ARHGEF28: variants seen among roughly 807,000 people sequenced by gnomAD.
The protein encoded by ARHGEF28 is 190 kDa guanine nucleotide exchange factor.
ARHGEF28 carries 152 observed loss-of-function variants against 206.6 expected under a neutral mutation model. That is an observed-to-expected ratio of 0.74 (90% CI 0.64 to 0.84). ARHGEF28 has a LOEUF of 0.84. Among genes scored for constraint, ARHGEF28 ranks in the 40% least tolerant of loss-of-function variants. The probability of loss-of-function intolerance (pLI) is 0.00; values close to 1 mark genes in which losing one functional copy is unlikely to be tolerated. For missense variants in ARHGEF28, 2,028 were observed against 2,073.2 expected (o/e 0.98, Z 0.42); for synonymous variants, 763 against 776.4 (o/e 0.98, Z 0.29).
intron 9 of ARHGEF28, among the ~76,000 whole-genome samples, chr5:73,805,565 C>T (rs1473891034): frequency 6.6e-6 from 1 of 152,174 alleles, no homozygotes; most frequent in East Asian, 1.9e-4. Flanking sequence ...TACCACTCTA[C>T]ATGTATTGCA....
At chr5:73,882,818 C>T (rs1447853106) in intron 23 of ARHGEF28, among the ~76,000 whole-genome samples, 1 of 152,144 alleles carries the variant, frequency 6.6e-6, no homozygotes, top group Non-Finnish European at 1.5e-5. Flanking sequence ...GTCATGTCTT[C>T]CAACCTTCTG....
At chr5:73,904,180 A>G in intron 31 of ARHGEF28, 42 bp from the exon 32 acceptor site, 1 of 1,604,594 alleles carries the variant, frequency 6.2e-7, no homozygotes. Context: ...GCTTTTCAGA[A>G]GTAGAATGGT....
chr5:73,764,592 T>A (rs750013747), intron 4 of ARHGEF28, among the ~76,000 whole-genome samples: 3 of 152,206 alleles, frequency 2.0e-5, no homozygotes, highest in Non-Finnish European at 4.4e-5. Flanking sequence ...GGTTGTAATA[T>A]GAGTGTCTCG....
intron 2 of ARHGEF28, among the ~76,000 whole-genome samples, chr5:73,728,308 G>C (rs1398577802): frequency 2.6e-5 from 4 of 152,188 alleles, no homozygotes; most frequent in Non-Finnish European, 5.9e-5. Context: ...GAAATGGTCA[G>C]GCTAGTGGCT....
chr5:73,807,487 C>CTT (rs577924923), intron 9 of ARHGEF28, among the ~76,000 whole-genome samples: 10 of 142,336 alleles, frequency 7.0e-5, no homozygotes, highest in East Asian at 2.1e-4. Flanking sequence ...CAATGTAATT[C>CTT]TTTTTTTTTT....
intron 15 of ARHGEF28, 67 bp from the exon 16 acceptor site, chr5:73,858,020 G>A (rs1759157133): frequency 1.3e-6 from 2 of 1,539,284 alleles, no homozygotes; most frequent in South Asian, 1.3e-5. Flanking sequence ...CTATAAGAAA[G>A]TTGGCTCACA....
intron 35 of ARHGEF28, among the ~76,000 whole-genome samples, chr5:73,933,934 C>T (rs10608404): frequency 0.17 from 22,603 of 129,664 alleles, 2,046 homozygotes; most frequent in East Asian, 0.46. Context: ...TTTTTTTTTT[C>T]CCCCTCAGTT....
intron 33 of ARHGEF28, among the ~76,000 whole-genome samples, chr5:73,906,384 G>A (rs1042816100): frequency 1.3e-5 from 2 of 152,222 alleles, no homozygotes; most frequent in South Asian, 2.1e-4. Flanking sequence ...GACTATAGGC[G>A]TGTGCCACCA....
Position 73,776,597 on chromosome 5 carries a change from A to AACGCTG in ARHGEF28, c.744_749dup (p.Thr252_Leu253dup). ...CCTTGCATTACATTCACTCATCGGA[A>AACGCTG]ACGCTGACCCTGACCCTGAACCACA... On this transcript the variant is annotated inframe_insertion, in exon 6 of 36. Coordinates refer to ENST00000513042, the MANE Select transcript of ARHGEF28 (RefSeq NM_001177693.2). 6.2e-7 allele frequency: 1 copy of AACGCTG among 1,613,962 alleles called. No individual in the cohort carries two copies. The highest frequency in any genetic ancestry group is 8.5e-7 in the Non-Finnish European group (1 of 1,179,866).
intron 7 of ARHGEF28, among the ~76,000 whole-genome samples, chr5:73,793,244 TTG>T (rs1754591472): frequency 6.6e-6 from 1 of 152,234 alleles, no homozygotes; most frequent in Admixed American, 6.5e-5. Context: ...ACAAGGATTG[TTG>T]GTTTCTCTGC....
chr5:73,693,131 AT>A lies in ARHGEF28; in HGVS notation c.33+8255del, dbSNP rs367898200. On this transcript the variant is annotated intron_variant, in intron 2 of 35. Coordinates refer to ENST00000513042, the MANE Select transcript of ARHGEF28 (RefSeq NM_001177693.2). ...TGCTCTATTAGAAGTCATAAGAATA[AT>A]TTTTTTTGACTCAGAAAATTTGTTA... Among the ~76,000 whole-genome samples, 1,249 of 152,038 alleles carry A rather than the reference AT, an allele frequency of 8.2e-3. 28 individuals are homozygous for A. The highest frequency in any genetic ancestry group is 0.028 in the African/African-American group (1,176 of 41,472).
chr5:73,843,706 A>T (rs190311812), intron 11 of ARHGEF28, among the ~76,000 whole-genome samples: 23 of 152,320 alleles, frequency 1.5e-4, no homozygotes, highest in Admixed American at 1.4e-3. Context: ...TATACTATGT[A>T]ACCATTATGT....
At chr5:73,866,061 C>CTATA (rs766200280) in intron 18 of ARHGEF28, 48 bp downstream of exon 18, 66 of 1,379,494 alleles carry the variant, frequency 4.8e-5, no homozygotes, top group Non-Finnish European at 6.2e-5. Context: ...TTAATACATA[C>CTATA]TATACATTTT....
intron 4 of ARHGEF28, among the ~76,000 whole-genome samples, chr5:73,762,769 A>T (rs1291560215): frequency 6.6e-6 from 1 of 152,142 alleles, no homozygotes; most frequent in Non-Finnish European, 1.5e-5. Context: ...GGCCAATTCA[A>T]GCCATCCTTT....
chr5:73,820,160 A>G (rs906477006), intron 9 of ARHGEF28, among the ~76,000 whole-genome samples: 28 of 152,176 alleles, frequency 1.8e-4, no homozygotes, highest in African/African-American at 6.3e-4. Context: ...TGATCTGATC[A>G]TCTTCATGGG....
At chr5:73,870,045 T>G (rs1236881020) in intron 20 of ARHGEF28, 24 bp from the exon 21 acceptor site, 1 of 1,604,674 alleles carries the variant, frequency 6.2e-7, no homozygotes. Context: ...TACTTCTGGC[T>G]TTTCTTTTCT....
chr5:73,937,377 C>T (rs1194723598), intron 35 of ARHGEF28, among the ~76,000 whole-genome samples: 2 of 152,190 alleles, frequency 1.3e-5, no homozygotes, highest in Admixed American at 1.3e-4. Context: ...CAATCAAGAT[C>T]CCACTTTTCT....
At chr5:73,667,435 G>C (rs1746025798) in intron 1 of ARHGEF28, among the ~76,000 whole-genome samples, 1 of 152,168 alleles carries the variant, frequency 6.6e-6, no homozygotes, top group Non-Finnish European at 1.5e-5. Flanking sequence ...AAGTTCCCAA[G>C]GATGCCCTGG....
intron 35 of ARHGEF28, among the ~76,000 whole-genome samples, chr5:73,936,960 A>G (rs1384828290): frequency 6.6e-6 from 1 of 152,194 alleles, no homozygotes; most frequent in Non-Finnish European, 1.5e-5. Flanking sequence ...AGTTGGCTCA[A>G]AAGAATGATG....
Sources: allele counts gnomAD v4.1 joint callset (sites outside exome capture counted in the v4.1 genomes callset), GRCh38; gene constraint gnomAD v4.1.1; transcripts MANE v1.5; gene names NCBI Gene and HGNC (gene_info 2026-07-23, HGNC 2026-07-21).